Variants in RHOBTB3 observed in about 807,000 individuals in gnomAD.
RHOBTB3 encodes the protein rho-related BTB domain-containing protein 3.
A neutral mutation model predicts 67.2 loss-of-function variants in RHOBTB3; 47 were observed. That is an observed-to-expected ratio of 0.70 (90% CI 0.55 to 0.89). RHOBTB3 has a LOEUF of 0.89. Ranked by LOEUF, RHOBTB3 falls within the 40% of genes least tolerant of loss-of-function variation. RHOBTB3 has a pLI of 0.00. For synonymous variants in RHOBTB3, 273 were observed against 274.2 expected (o/e 1.00, Z 0.04); for missense variants, 631 against 750.0 (o/e 0.84, Z 1.85).
chr5:95,725,499 C>T (rs907768220), intron 1 of RHOBTB3, among the ~76,000 whole-genome samples: 3 of 152,244 alleles, frequency 2.0e-5, no homozygotes, highest in Admixed American at 6.5e-5. Context: ...CACAAGCGCA[C>T]GCCTTTGCGT....
chr5:95,747,258 GC>G (rs1744948713), intron 3 of RHOBTB3, among the ~76,000 whole-genome samples: 1 of 152,246 alleles, frequency 6.6e-6, no homozygotes, highest in South Asian at 2.1e-4. Flanking sequence ...AAGCTCCAGA[GC>G]CCCCTGTAGG....
At chr5:95,770,542 G>A in intron 8 of RHOBTB3, 1 of 385,890 alleles carries the variant, frequency 2.6e-6, no homozygotes, top group Non-Finnish European at 5.2e-6. Context: ...TTGTGAATAT[G>A]GTGGAAGAGG....
At position 95,794,142 on chromosome 5, in the gene RHOBTB3, G is replaced by C. The variant is rs1429853420; in HGVS notation, c.*968G>C. On this transcript the variant is annotated 3_prime_UTR_variant, in exon 12 of 12. Transcript: ENST00000379982. ...CCTCCACTGCCACCTTGGCTGGCAA[G>C]GGAGAAATGTGTTGTGTTGTCTTAG... 2 of 422,624 alleles carry C rather than the reference G, an allele frequency of 4.7e-6. No homozygotes were observed. The highest frequency in any genetic ancestry group is 4.2e-5 in the African/African-American group (2 of 48,150). 26.2% of individuals were successfully genotyped at this position (422,624 alleles called of 1,614,324 possible).
At chr5:95,759,130 G>A (rs893937964) in intron 6 of RHOBTB3, among the ~76,000 whole-genome samples, 10 of 152,232 alleles carry the variant, frequency 6.6e-5, no homozygotes, top group African/African-American at 2.2e-4. Context: ...AGGCATGATG[G>A]TGTGGAGAGC....
chr5:95,769,280 T>TG, intron 8 of RHOBTB3: 6 of 431,400 alleles, frequency 1.4e-5, no homozygotes, highest in South Asian at 1.1e-4. Flanking sequence ...GGAGCTAAGC[T>TG]TGTTGCCAGT....
At chr5:95,780,036 CA>C (rs1333982652) in intron 8 of RHOBTB3, 1 of 464,488 alleles carries the variant, frequency 2.2e-6, no homozygotes, top group African/African-American at 1.9e-5. Flanking sequence ...TCTTGACTTG[CA>C]AATTGTTGGT....
Position 95,793,934 on chromosome 5 carries a change from G to T in RHOBTB3, c.*760G>T. 1 of 452,032 alleles carries T rather than the reference G, an allele frequency of 2.2e-6. No individual in the cohort carries two copies. The highest frequency in any genetic ancestry group is 1.6e-5 in the South Asian group (1 of 64,024). 28.0% of individuals were successfully genotyped at this position (452,032 alleles called of 1,614,324 possible). ...AAGAAGGGCCCCATGATTTCATTTT[G>T]TGCTGAGCCCTCAAAATTATGTCTG... is the stretch of plus-strand genomic sequence containing the variant. On this transcript the variant is annotated 3_prime_UTR_variant, in exon 12 of 12. Transcript: ENST00000379982.
chr5:95,786,284 A>G (rs1746221511), intron 10 of RHOBTB3, among the ~76,000 whole-genome samples: 1 of 152,208 alleles, frequency 6.6e-6, no homozygotes, highest in South Asian at 2.1e-4. Context: ...TTTAGGAGTG[A>G]AATTGTCTTC....
intron 7 of RHOBTB3, among the ~76,000 whole-genome samples, chr5:95,766,372 GA>G (rs1190874031): frequency 5.9e-5 from 9 of 151,962 alleles, no homozygotes; most frequent in Admixed American, 3.3e-4. Flanking sequence ...TCAGCAGGGG[GA>G]ATGGGTGGAG....
chr5:95,752,205 T>C (rs369474175), intron 4 of RHOBTB3, 34 bp from the exon 5 acceptor site: 31 of 1,278,950 alleles, frequency 2.4e-5, no homozygotes, highest in Non-Finnish European at 3.3e-5. Flanking sequence ...ATAGTTTTGT[T>C]GGATCTTCAA....
chr5:95,793,259 A>C lies in RHOBTB3; in HGVS notation c.*85A>C. The C allele has an allele frequency of 1.2e-6, 1 of 839,614 alleles. No homozygotes were observed. The highest frequency in any genetic ancestry group is 2.7e-5 in the East Asian group (1 of 37,082). The allele number at this position is 839,614 out of a possible 1,614,324, so 52.0% of individuals were successfully genotyped here. The stretch of plus-strand genomic sequence containing the variant: ...GGTTCCAGTAAAATTCTTCTGACCG[A>C]AACCAATGTGGGTGTTAGAAAAATT... On this transcript the variant is annotated 3_prime_UTR_variant, in exon 12 of 12. Coordinates refer to ENST00000379982, the MANE Select transcript of RHOBTB3 (RefSeq NM_014899.4).
intron 5 of RHOBTB3, among the ~76,000 whole-genome samples, chr5:95,755,059 A>T (rs944614955): frequency 6.6e-6 from 1 of 152,254 alleles, no homozygotes; most frequent in African/African-American, 2.4e-5. Context: ...TTTGGGACAC[A>T]CAAGTAAGAA....
intron 1 of RHOBTB3, among the ~76,000 whole-genome samples, chr5:95,725,165 G>A (rs1325229194): frequency 6.6e-6 from 1 of 152,148 alleles, no homozygotes; most frequent in Admixed American, 6.5e-5. Flanking sequence ...TATCTACAAT[G>A]GGATGGATAA....
chr5:95,733,844 G>A (rs1755377458), intron 2 of RHOBTB3, among the ~76,000 whole-genome samples: 1 of 152,114 alleles, frequency 6.6e-6, no homozygotes, highest in Non-Finnish European at 1.5e-5. Flanking sequence ...ACGTATGTAC[G>A]GAACCAGAAT....
intron 4 of RHOBTB3, among the ~76,000 whole-genome samples, chr5:95,749,013 GCTTGGTTGC>G (rs1479909202): frequency 6.6e-6 from 1 of 152,202 alleles, no homozygotes; most frequent in African/African-American, 2.4e-5. Flanking sequence ...AAATTTGCTT[GCTTGGTTGC>G]CGTGGCGCAT....
At chr5:95,760,038 T>C (rs138853258) in intron 6 of RHOBTB3, among the ~76,000 whole-genome samples, 1 of 152,248 alleles carries the variant, frequency 6.6e-6, no homozygotes, top group African/African-American at 2.4e-5. Flanking sequence ...TGAAATTTGG[T>C]GTGTGTTATG....
intron 6 of RHOBTB3, among the ~76,000 whole-genome samples, chr5:95,762,796 G>T (rs1745431205): frequency 6.6e-6 from 1 of 152,196 alleles, no homozygotes; most frequent in Non-Finnish European, 1.5e-5. Context: ...GACCAAGTAA[G>T]AGAAGTCCTT....
At position 95,737,064 on chromosome 5, in the gene RHOBTB3, C is replaced by G; in HGVS notation, c.404C>G (p.Thr135Ser). The G allele has an allele frequency of 1.9e-6, 3 of 1,575,810 alleles. No individual in the cohort carries two copies. The highest frequency in any genetic ancestry group is 1.1e-5 in the South Asian group (1 of 89,166). The change falls in exon 3 of 12, where the codon ACC becomes AGC. Residue 135 changes from threonine to serine, a missense_variant. Physicochemically the swap from Thr to Ser is moderately conservative, Grantham distance 58. Coordinates refer to ENST00000379982, the MANE Select transcript of RHOBTB3 (RefSeq NM_014899.4). ...SVPVIIAAVGTRQNEELPCTC... is the reference protein window; with the variant it reads ...SVPVIIAAVGSRQNEELPCTC... ...CCAGTAATTATTGCTGCTGTTGGTA[C>G]CAGACAAAATGGTAAGTATTTAATA...
At chr5:95,790,585 G>T (rs1322227995) in intron 11 of RHOBTB3, among the ~76,000 whole-genome samples, 1 of 152,172 alleles carries the variant, frequency 6.6e-6, no homozygotes. Context: ...AGGACTTCCA[G>T]TGCGATGTGA....
Sources: gnomAD v4.1 joint callset for allele counts (sites outside exome capture counted in the v4.1 genomes callset) on GRCh38, gnomAD v4.1.1 for gene constraint, MANE v1.5 for transcripts, NCBI Gene and HGNC (gene_info 2026-07-23, HGNC 2026-07-21) for gene names.